EFCAB6: variants seen among roughly 807,000 people sequenced by gnomAD.
EFCAB6 encodes the protein EF-hand calcium binding domain 6.
Under a neutral mutation model 169.8 loss-of-function variants are expected in EFCAB6, and 156 were observed. The observed-to-expected ratio is 0.92, with a 90% CI of 0.81 to 1.05. The LOEUF (loss-of-function observed/expected upper bound fraction) is 1.05, where lower values mean the gene tolerates loss of function less well. EFCAB6 is among the 50% of genes least tolerant of loss of function. The pLI, the probability that EFCAB6 is intolerant of heterozygous loss-of-function variation, is 0.00. For missense variants in EFCAB6, 1,800 were observed against 1,829.1 expected, an observed-to-expected ratio of 0.98 and a Z score of 0.29; for synonymous variants, 698 against 676.4, an observed-to-expected ratio of 1.03 and a Z score of -0.50.
chr22:43,774,530 G>A (rs538805990), intron 3 of EFCAB6, among the ~76,000 whole-genome samples: 6 of 151,800 alleles, frequency 4.0e-5, no homozygotes, highest in East Asian at 4.0e-4. Context: ...TGTGCCGGGG[G>A]CTGGGGATGA....
chr22:43,762,033 T>C (rs2061179991), intron 5 of EFCAB6, among the ~76,000 whole-genome samples: 1 of 152,224 alleles, frequency 6.6e-6, no homozygotes, highest in East Asian at 1.9e-4. Flanking sequence ...AAGGGATAGG[T>C]TGAAGATGCA....
At chr22:43,564,952 G>T (rs1290234298) in intron 26 of EFCAB6, among the ~76,000 whole-genome samples, 1 of 152,158 alleles carries the variant, frequency 6.6e-6, no homozygotes, top group Non-Finnish European at 1.5e-5. Flanking sequence ...GCTTTCTTGG[G>T]GTCTGTCACC....
chr22:43,669,837 C>T (rs899270758), intron 15 of EFCAB6, among the ~76,000 whole-genome samples: 4 of 152,146 alleles, frequency 2.6e-5, no homozygotes, highest in South Asian at 2.1e-4. Context: ...TCCAGAGCAT[C>T]GGCGAGGCCA....
chr22:43,774,310 G>A (rs183278236), intron 3 of EFCAB6, among the ~76,000 whole-genome samples: 2 of 150,854 alleles, frequency 1.3e-5, no homozygotes, highest in East Asian at 4.0e-4. Flanking sequence ...AGAGCTGTAG[G>A]GTGGGCTGGG....
intron 10 of EFCAB6, among the ~76,000 whole-genome samples, chr22:43,692,957 A>C (rs2058460293): frequency 6.6e-6 from 1 of 152,198 alleles, no homozygotes; most frequent in Non-Finnish European, 1.5e-5. Context: ...ACAAAGCTGA[A>C]AGTCAAATTC....
chr22:43,598,926 C>T (rs1476008), intron 23 of EFCAB6, among the ~76,000 whole-genome samples: 35,189 of 152,148 alleles, frequency 0.23, 5,308 homozygotes, highest in East Asian at 0.62. Flanking sequence ...TACATACCCT[C>T]CAAATATGTA....
chr22:43,616,514 T>C (rs2053697811), intron 20 of EFCAB6, among the ~76,000 whole-genome samples: 1 of 152,040 alleles, frequency 6.6e-6, no homozygotes, highest in Non-Finnish European at 1.5e-5. Flanking sequence ...AATACAAAAA[T>C]TAGCTGGACA....
At chr22:43,558,584 T>C (rs1441640007) in intron 26 of EFCAB6, among the ~76,000 whole-genome samples, 1 of 152,180 alleles carries the variant, frequency 6.6e-6, no homozygotes, top group African/African-American at 2.4e-5. Context: ...AGACAGTCAA[T>C]TGATGTGGCA....
chr22:43,738,944 T>A (rs2060267565), intron 6 of EFCAB6, among the ~76,000 whole-genome samples: 2 of 152,176 alleles, frequency 1.3e-5, no homozygotes. Context: ...TGGGGCCACG[T>A]GATGCACATG....
intron 13 of EFCAB6, among the ~76,000 whole-genome samples, chr22:43,676,418 CAA>C (rs34550416): frequency 3.3e-4 from 20 of 60,440 alleles, no homozygotes; most frequent in Non-Finnish European, 4.0e-4. Flanking sequence ...GACTCCGTCT[CAA>C]AAAAAAAAAA....
chr22:43,605,978 C>T (rs1474713643), intron 22 of EFCAB6, among the ~76,000 whole-genome samples: 2 of 152,086 alleles, frequency 1.3e-5, no homozygotes, highest in Non-Finnish European at 2.9e-5. Flanking sequence ...CACGATTGAC[C>T]TAAGGGAAAA....
chr22:43,643,916 C>T (rs536553684), intron 17 of EFCAB6, among the ~76,000 whole-genome samples: 115 of 152,056 alleles, frequency 7.6e-4, no homozygotes, highest in Admixed American at 1.8e-3. Flanking sequence ...CTCTGCCTCC[C>T]GGGTTCACAC....
chr22:43,626,368 G>A lies in EFCAB6; in HGVS notation c.2465+79C>T, dbSNP rs557632520. On this transcript the variant is annotated intron_variant, in intron 20 of 31. Transcript: ENST00000262726. ...CACTCCATTCTTTGTATCCCTTTGCGGACGCCATGGAAATGCTGGACGTCA... is the reference window on the plus strand; with the variant it reads ...CACTCCATTCTTTGTATCCCTTTGCAGACGCCATGGAAATGCTGGACGTCA... 17 of 1,372,516 alleles carry A rather than the reference G, an allele frequency of 1.2e-5. No individual in the cohort carries two copies. In the East Asian group the frequency reaches 1.7e-4, roughly 14 times the overall value. 85.0% of individuals were successfully genotyped at this position (1,372,516 alleles called of 1,614,324 possible). A position where few individuals can be genotyped will look rare whatever the true frequency, so the allele number is the denominator to read the frequency against.
intron 12 of EFCAB6, among the ~76,000 whole-genome samples, chr22:43,679,798 T>C (rs2057930872): frequency 6.6e-6 from 1 of 152,154 alleles, no homozygotes; most frequent in Non-Finnish European, 1.5e-5. Flanking sequence ...TTGGGTAAAA[T>C]GTCTATTAAT....
chr22:43,566,844 G>A (rs543508901), intron 26 of EFCAB6, among the ~76,000 whole-genome samples: 1 of 134,512 alleles, frequency 7.4e-6, no homozygotes, highest in African/African-American at 3.1e-5. Flanking sequence ...AGCAAGGGTG[G>A]AGTGGACCAC....
At position 43,772,904 on chromosome 22, in the gene EFCAB6, G is replaced by A. The variant is rs1390243497; in HGVS notation, c.339C>T (p.Asp113=). The part of the protein sequence containing the change: ...LMPLTREQFQ[D]VLAQIPLSTS... ...CAACATACAGCACCTGAGCCAACAC[G>A]TCCTGAAACTGTTCTCGTGTGAGCG... Residue 113 remains aspartate, a synonymous_variant, in exon 4 of 32, where the codon GAC becomes GAT. Transcript: ENST00000262726. 8.7e-6 allele frequency: 14 copies of A among 1,614,022 alleles called. No individual in the cohort carries two copies. The highest frequency in any genetic ancestry group is 1.1e-5 in the South Asian group (1 of 91,080).
chr22:43,775,130 G>A (rs2061598355), intron 3 of EFCAB6, among the ~76,000 whole-genome samples: 1 of 152,074 alleles, frequency 6.6e-6, no homozygotes, highest in Non-Finnish European at 1.5e-5. Context: ...AGACTCCTCT[G>A]ATTGGAGGGG....
At position 43,744,530 on chromosome 22, in the gene EFCAB6, A is replaced by C. The variant is rs918867206; in HGVS notation, c.508-8537T>G. 3.3e-5 allele frequency among the ~76,000 whole-genome samples: 5 copies of C among 152,160 alleles called. No individual in the cohort carries two copies. The highest frequency in any genetic ancestry group is 1.3e-4 in the Admixed American group (2 of 15,284). ...GGGTTAAGAGGACACCATGACAGGT[A>C]GAAATCTTGAGCTGTCCTGTTCCCA... On this transcript the variant is annotated intron_variant, in intron 6 of 31. Coordinates refer to ENST00000262726, the MANE Select transcript of EFCAB6 (RefSeq NM_022785.4). This position sits in a 1 kb window ranked among gnomAD's most constrained non-coding sequence, Gnocchi z 4.3.
rs770806414 is a variant in EFCAB6, at chr22:43,600,198, T to C, written c.2747A>G (p.Tyr916Cys). ...QEFLQKLGIN[Y>C]SPAVHRPCAE... ...ACAGGGCCGATGGACAGCAGGCGAATAGTTAATACCCAATTTCTGTAAAAA... is the reference window on the plus strand; with the variant it reads ...ACAGGGCCGATGGACAGCAGGCGAACAGTTAATACCCAATTTCTGTAAAAA... Residue 916 changes from tyrosine to cysteine, a missense_variant, in exon 23 of 32, where the codon TAT becomes TGT. Physicochemically the swap from Tyr to Cys is radical, Grantham distance 194. Transcript: ENST00000262726. 4 of 1,614,068 alleles carry C rather than the reference T, an allele frequency of 2.5e-6. No homozygotes were observed. Among genetic ancestry groups the C allele is most frequent in the Admixed American group, 1.7e-5 (1 of 60,000 alleles).
Sources: allele counts gnomAD v4.1 joint callset (sites outside exome capture counted in the v4.1 genomes callset), GRCh38; gene constraint gnomAD v4.1.1; non-coding constraint Gnocchi (gnomAD v3.1); transcripts MANE v1.5; gene names NCBI Gene and HGNC (gene_info 2026-07-23, HGNC 2026-07-21).